Variants in EPHX1 observed in about 807,000 individuals in gnomAD.
EPHX1 encodes epoxide hydrolase 1, also known as epoxide hydratase.
A neutral mutation model predicts 43.2 loss-of-function variants in EPHX1; 40 were observed. The observed-to-expected ratio is 0.93, with a 90% CI of 0.72 to 1.21. EPHX1 has a LOEUF of 1.21. EPHX1 is among the 50% of genes most tolerant of loss of function. The pLI, the probability that EPHX1 is intolerant of heterozygous loss-of-function variation, is 0.00. For synonymous variants in EPHX1, 221 were observed against 226.7 expected, an observed-to-expected ratio of 0.98 and a Z score of 0.22; for missense variants, 550 against 570.4, an observed-to-expected ratio of 0.96 and a Z score of 0.36.
In EPHX1 at chr1:225,810,770, G is replaced by C. The variant is rs895756759; in HGVS notation, c.-6+601G>C. Among the ~76,000 whole-genome samples the C allele has an allele frequency of 3.4e-5, 5 of 145,096 alleles. No homozygotes were observed. In the East Asian group the frequency reaches 8.7e-4, roughly 25 times the overall value. On this transcript the variant is annotated intron_variant, in intron 1 of 8. Transcript: ENST00000272167. ...GGGTTCTCTGGCGGGCAGAGTGGGG[G>C]GGGTCACAAGGTGCTCAGTAGGGGA...
chr1:225,832,958 T>C (rs1240951729), intron 3 of EPHX1, among the ~76,000 whole-genome samples: 4 of 152,250 alleles, frequency 2.6e-5, no homozygotes, highest in African/African-American at 9.6e-5. Context: ...TTGCAAATGT[T>C]TTCTCCCACT....
intron 3 of EPHX1, chr1:225,832,249 T>A: frequency 2.4e-6 from 1 of 415,576 alleles, no homozygotes; most frequent in Non-Finnish European, 4.5e-6. Context: ...GAGATGAGAT[T>A]TAGACCCAGG....
At position 225,829,518 on chromosome 1, in the gene EPHX1, A is replaced by G. The variant is rs560998736; in HGVS notation, c.183+606A>G. On this transcript the variant is annotated intron_variant, in intron 2 of 8. Coordinates refer to ENST00000272167, the MANE Select transcript of EPHX1 (RefSeq NM_001136018.4). ...GCTGCTGCCCCTCCTCTGCACAGGG[A>G]TAGAGTCAGGAAGGAGGTGACTGGG... Among the ~76,000 whole-genome samples the G allele has an allele frequency of 2.0e-5, 3 of 152,226 alleles. No individual in the cohort carries two copies. The East Asian group carries it at 5.8e-4, about 29-fold the overall frequency.
intron 3 of EPHX1, among the ~76,000 whole-genome samples, chr1:225,835,299 G>A (rs1207993726): frequency 6.6e-6 from 1 of 151,020 alleles, no homozygotes; most frequent in Admixed American, 6.6e-5. Flanking sequence ...GTTCATTGCA[G>A]CCTCAATTTC....
Position 225,831,964 on chromosome 1 carries a change from G to A in EPHX1, c.364+5G>A. On this transcript the variant is annotated splice_donor_5th_base_variant and intron_variant, in intron 3 of 8. Coordinates refer to ENST00000272167, the MANE Select transcript of EPHX1 (RefSeq NM_001136018.4). ...ACTTCAAGACTAAGATTGAAGGTATGTTTGCAAAACGCCAGCCAGAGAGGG... is the reference window on the plus strand; with the variant it reads ...ACTTCAAGACTAAGATTGAAGGTATATTTGCAAAACGCCAGCCAGAGAGGG... The A allele has an allele frequency of 3.1e-6, 5 of 1,613,974 alleles. No individual in the cohort carries two copies. The highest frequency in any genetic ancestry group is 4.2e-6 in the Non-Finnish European group (5 of 1,179,982).
chr1:225,833,837 C>T (rs1031364909), intron 3 of EPHX1, among the ~76,000 whole-genome samples: 19 of 149,418 alleles, frequency 1.3e-4, no homozygotes, highest in South Asian at 4.3e-4. Context: ...GTGGCTCACG[C>T]CTGTAATCCC....
chr1:225,828,936 G>C (rs368808204), intron 2 of EPHX1, 24 bp downstream of exon 2: 2 of 1,554,860 alleles, frequency 1.3e-6, no homozygotes, highest in Non-Finnish European at 1.7e-6. Flanking sequence ...GGCCGGGCCG[G>C]GCTGGGCAGT....
rs184854938 is a variant in EPHX1 at position 225,834,060 on chromosome 1, T to G, written c.364+2101T>G. Among the ~76,000 whole-genome samples the G allele has an allele frequency of 5.4e-4, 71 of 131,082 alleles. 2 individuals carry two copies. Among genetic ancestry groups the G allele is most frequent in the African/African-American group, 2.0e-3 (68 of 33,386 alleles). 86.0% of individuals were successfully genotyped at this position (131,082 alleles called of 152,430 possible). A position where few individuals can be genotyped will look rare whatever the true frequency, so the allele number is the denominator to read the frequency against. ...TTGCAGTGAGCCCAGATTGCGCCAC[T>G]GCACTCCAGCCTGGGTGACAGGGCA... is the stretch of plus-strand genomic sequence containing the variant. On this transcript the variant is annotated intron_variant, in intron 3 of 8. Coordinates refer to ENST00000272167, the MANE Select transcript of EPHX1 (RefSeq NM_001136018.4).
chr1:225,835,843 C>T (rs1016681063), intron 3 of EPHX1, among the ~76,000 whole-genome samples: 1 of 152,018 alleles, frequency 6.6e-6, no homozygotes, highest in African/African-American at 2.4e-5. Context: ...CCACCACACC[C>T]AGCTGACATT....
Position 225,840,061 on chromosome 1 carries a change from C to G in EPHX1, c.931+24C>G, listed in dbSNP as rs377018215. ...AGGTGAGTGTGCTCAGGGGTCCTCG[C>G]CCACTGCCGGCTCCACTGGGGCAGG... On this transcript the variant is annotated intron_variant, in intron 6 of 8. Transcript: ENST00000272167. 5.0e-6 allele frequency: 8 copies of G among 1,611,832 alleles called. No individual in the cohort carries two copies. In the African/African-American group the frequency reaches 9.3e-5, roughly 19 times the overall value.
intron 6 of EPHX1, among the ~76,000 whole-genome samples, chr1:225,840,432 C>G (rs45515500): frequency 0.017 from 2,598 of 152,192 alleles, 35 homozygotes; most frequent in South Asian, 0.06. Flanking sequence ...GGTTCCCAGG[C>G]AGTGAGGGAG....
At chr1:225,813,960 C>G (rs1666606637) in intron 1 of EPHX1, among the ~76,000 whole-genome samples, 1 of 152,194 alleles carries the variant, frequency 6.6e-6, no homozygotes. Context: ...GATCACAGGC[C>G]TTGTTCTTAG....
intron 2 of EPHX1, among the ~76,000 whole-genome samples, chr1:225,829,285 C>T (rs921837558): frequency 2.6e-5 from 4 of 152,184 alleles, no homozygotes; most frequent in Admixed American, 6.6e-5. Context: ...ACCCAGGAAG[C>T]ACTGAGAAGG....
In EPHX1 at chr1:225,831,790, G is replaced by C. The variant is rs1375452798; in HGVS notation, c.195G>C (p.Gln65His). ...TSDEEIHDLH[Q>H]RIDKFRFTPP... Reference sequence around the variant, plus strand: ...GAATTTTGCTCCAGGACTTACACCAGAGGATCGATAAGTTCCGTTTCACCC... The same window carrying C: ...GAATTTTGCTCCAGGACTTACACCACAGGATCGATAAGTTCCGTTTCACCC... Residue 65 changes from glutamine (Q) to histidine (H), a missense_variant, in exon 3 of 9, where the codon CAG becomes CAC. Gln to His is a conservative substitution (Grantham distance 24, BLOSUM62 0). Transcript: ENST00000272167. The C allele has an allele frequency of 6.2e-7, 1 of 1,614,052 alleles. No homozygotes were observed. The highest frequency in any genetic ancestry group is 1.7e-5 in the Admixed American group (1 of 60,016).
chr1:225,833,813 A>G lies in EPHX1; in HGVS notation c.364+1854A>G, dbSNP rs1259223828. 4.8e-5 allele frequency among the ~76,000 whole-genome samples: 7 copies of G among 145,684 alleles called. No homozygotes were observed. The East Asian group carries it at 6.1e-4, about 13-fold the overall frequency. On this transcript the variant is annotated intron_variant, in intron 3 of 8. Transcript: ENST00000272167. ...CTGTCTTTAAAAAAAAAAAAAAAAA[A>G]CAGGCTGGGCGCCGTGGCTCACGCC...
chr1:225,823,676 A>C (rs980465830), intron 1 of EPHX1, among the ~76,000 whole-genome samples: 1 of 152,278 alleles, frequency 6.6e-6, no homozygotes, highest in African/African-American at 2.4e-5. Context: ...GAGGGAGGCC[A>C]TGAGAGGGAG....
chr1:225,843,980 GA>G (rs977105049), intron 7 of EPHX1, among the ~76,000 whole-genome samples: 4 of 152,208 alleles, frequency 2.6e-5, no homozygotes, highest in African/African-American at 9.6e-5. Flanking sequence ...GTGCTCTGGG[GA>G]AAGTGGAAGG....
intron 2 of EPHX1, 133 bp downstream of exon 2, chr1:225,829,045 C>T: frequency 9.0e-7 from 1 of 1,108,056 alleles, no homozygotes; most frequent in Non-Finnish European, 1.3e-6. Flanking sequence ...GAGTGTGTTT[C>T]AGTCTGCTTT....
intron 3 of EPHX1, among the ~76,000 whole-genome samples, chr1:225,834,113 A>AAG (rs1491179790): frequency 2.9e-4 from 4 of 13,566 alleles, no homozygotes; most frequent in East Asian, 5.8e-3. Flanking sequence ...AAAAAAAAAG[A>AAG]AAAAAAAAAA....
Sources: allele counts gnomAD v4.1 joint callset (sites outside exome capture counted in the v4.1 genomes callset), GRCh38; gene constraint gnomAD v4.1.1; transcripts MANE v1.5; gene names NCBI Gene and HGNC (gene_info 2026-07-23, HGNC 2026-07-21).